RAPGEF6: variants seen among roughly 807,000 people sequenced by gnomAD.
RAPGEF6 encodes Rap guanine nucleotide exchange factor 6, also known as PDZ domain containing guanine nucleotide exchange factor (GEF) 2.
A neutral mutation model predicts 171.4 loss-of-function variants in RAPGEF6; 56 were observed. The ratio of observed to expected loss-of-function variants is 0.33; its 90% CI spans 0.26 to 0.41. RAPGEF6 has a LOEUF of 0.41. Among genes scored for constraint, RAPGEF6 ranks in the 10% least tolerant of loss-of-function variants. RAPGEF6 has a pLI of 1.00. For missense variants in RAPGEF6, 1,674 were observed against 1,921.4 expected (o/e 0.87, Z 2.41); for synonymous variants, 692 against 650.1 (o/e 1.06, Z -0.98).
At chr5:131,532,446 T>G (rs766459093) in intron 6 of RAPGEF6, among the ~76,000 whole-genome samples, 2 of 151,900 alleles carry the variant, frequency 1.3e-5, no homozygotes, top group Non-Finnish European at 2.9e-5. Context: ...ACATGCAGAG[T>G]GGTAGCACAA....
chr5:131,573,497 G>A (rs918826280), intron 4 of RAPGEF6, among the ~76,000 whole-genome samples: 25 of 151,818 alleles, frequency 1.6e-4, no homozygotes, highest in Admixed American at 1.2e-3. Context: ...TGGAGAGGTC[G>A]TCCTGACCTC....
At chr5:131,591,112 T>C (rs1335671374) in intron 4 of RAPGEF6, among the ~76,000 whole-genome samples, 2 of 152,228 alleles carry the variant, frequency 1.3e-5, no homozygotes, top group Non-Finnish European at 2.9e-5. Context: ...AGTCAAGGCA[T>C]GACTTCTAAA....
chr5:131,607,696 G>A (rs1447784437), intron 1 of RAPGEF6, among the ~76,000 whole-genome samples: 3 of 152,132 alleles, frequency 2.0e-5, no homozygotes, highest in Non-Finnish European at 4.4e-5. Flanking sequence ...TACCCTTAGA[G>A]TCCTTGGTAA....
In RAPGEF6 at chr5:131,427,564, T is replaced by C. The variant is rs143395550; in HGVS notation, c.4781-273A>G. ...AATAAAACAATCATTTCTCAAACTA[T>C]TGGCACAGGTACAAAGTCAGTCAAG... On this transcript the variant is annotated intron_variant, in intron 27 of 27. Coordinates refer to ENST00000509018, the MANE Select transcript of RAPGEF6 (RefSeq NM_016340.6). Among the ~76,000 whole-genome samples the C allele has an allele frequency of 1.2e-4, 19 of 152,300 alleles. No homozygotes were observed. In the East Asian group the frequency reaches 3.5e-3, roughly 28 times the overall value.
intron 5 of RAPGEF6, among the ~76,000 whole-genome samples, chr5:131,558,520 G>A (rs1761386525): frequency 6.6e-6 from 1 of 151,958 alleles, no homozygotes. Flanking sequence ...TTCTTGGCTT[G>A]TGATTACTAT....
intron 4 of RAPGEF6, among the ~76,000 whole-genome samples, chr5:131,570,867 A>G (rs910010752): frequency 1.3e-5 from 2 of 152,110 alleles, no homozygotes; most frequent in African/African-American, 4.8e-5. Context: ...ATCTATGAAA[A>G]ATTTAGAGCT....
At chr5:131,611,037 T>C (rs575558494) in intron 1 of RAPGEF6, among the ~76,000 whole-genome samples, 4 of 152,360 alleles carry the variant, frequency 2.6e-5, no homozygotes, top group African/African-American at 9.6e-5. Flanking sequence ...ATGCCTGTTC[T>C]GGGAGACTCA....
At chr5:131,606,581 CTG>C (rs779641137) in intron 1 of RAPGEF6, among the ~76,000 whole-genome samples, 4 of 152,192 alleles carry the variant, frequency 2.6e-5, no homozygotes, top group Non-Finnish European at 5.9e-5. Context: ...ATATGGTAAA[CTG>C]TATTTCCAAA....
intron 1 of RAPGEF6, among the ~76,000 whole-genome samples, chr5:131,606,338 T>C (rs1177411276): frequency 2.1e-5 from 3 of 140,330 alleles, no homozygotes; most frequent in African/African-American, 8.1e-5. Flanking sequence ...CACTCCAGTC[T>C]AGGCGATTGA....
intron 9 of RAPGEF6, among the ~76,000 whole-genome samples, chr5:131,506,538 T>C (rs1757382456): frequency 6.6e-6 from 1 of 152,208 alleles, no homozygotes. Flanking sequence ...TTTAATGTGA[T>C]TTAAGGGAAA....
At chr5:131,551,296 G>A (rs1198072802) in intron 5 of RAPGEF6, among the ~76,000 whole-genome samples, 1 of 151,942 alleles carries the variant, frequency 6.6e-6, no homozygotes, top group Non-Finnish European at 1.5e-5. Flanking sequence ...GGTGAATCAT[G>A]AGGTCAGGAG....
chr5:131,472,762 A>G lies in RAPGEF6; in HGVS notation c.2082-18T>C, dbSNP rs780499421. 1.9e-6 allele frequency: 3 copies of G among 1,593,404 alleles called. No individual in the cohort carries two copies. The highest frequency in any genetic ancestry group is 2.2e-5 in the South Asian group (2 of 90,500). On this transcript the variant is annotated intron_variant, in intron 16 of 27. Transcript: ENST00000509018. Reference sequence around the variant, plus strand: ...CTCCATCACTTCAAAAGAATGTCATATATCACTTTAAAGTATTTGAGAGTA... The same window carrying G: ...CTCCATCACTTCAAAAGAATGTCATGTATCACTTTAAAGTATTTGAGAGTA...
At chr5:131,620,092 T>G (rs1765513696) in intron 1 of RAPGEF6, among the ~76,000 whole-genome samples, 1 of 152,260 alleles carries the variant, frequency 6.6e-6, no homozygotes, top group Non-Finnish European at 1.5e-5. Flanking sequence ...GGCTGCTTTT[T>G]TTCAGTTTTT....
intron 5 of RAPGEF6, among the ~76,000 whole-genome samples, chr5:131,548,919 C>G (rs757606796): frequency 6.6e-6 from 1 of 152,068 alleles, no homozygotes; most frequent in East Asian, 1.9e-4. Context: ...AAAAAATAAG[C>G]CAGGCATGGT....
rs115149394 is a variant in RAPGEF6, at chr5:131,529,754, A to C, written c.496-8233T>G. 4.2e-3 allele frequency among the ~76,000 whole-genome samples: 631 copies of C among 152,046 alleles called. 6 individuals are homozygous for C. Among genetic ancestry groups the C allele is most frequent in the African/African-American group, 0.015 (604 of 41,454 alleles). Reference sequence around the variant, plus strand: ...GGAGAGACCTTGTCTCTACAAAAAAATTAGAAAATTGGCCAGGGATGTGGT... The same window carrying C: ...GGAGAGACCTTGTCTCTACAAAAAACTTAGAAAATTGGCCAGGGATGTGGT... On this transcript the variant is annotated intron_variant, in intron 6 of 27. Coordinates refer to ENST00000509018, the MANE Select transcript of RAPGEF6 (RefSeq NM_016340.6).
intron 1 of RAPGEF6, among the ~76,000 whole-genome samples, chr5:131,608,211 T>A (rs918288657): frequency 6.6e-6 from 1 of 152,154 alleles, no homozygotes; most frequent in Non-Finnish European, 1.5e-5. Flanking sequence ...GTAAGAAAAA[T>A]CATCTGGGCC....
At chr5:131,486,454 T>A (rs1400386251) in intron 15 of RAPGEF6, among the ~76,000 whole-genome samples, 1 of 152,230 alleles carries the variant, frequency 6.6e-6, no homozygotes, top group Non-Finnish European at 1.5e-5. Context: ...CAGCTCATAG[T>A]GAGGCCTTTG....
At chr5:131,573,274 C>G (rs1762413804) in intron 4 of RAPGEF6, among the ~76,000 whole-genome samples, 1 of 152,158 alleles carries the variant, frequency 6.6e-6, no homozygotes, top group Non-Finnish European at 1.5e-5. Context: ...TAGCTCTCCC[C>G]TACCTGCCCA....
At chr5:131,491,518 C>T (rs1756281523) in intron 14 of RAPGEF6, among the ~76,000 whole-genome samples, 2 of 152,132 alleles carry the variant, frequency 1.3e-5, no homozygotes. Flanking sequence ...ACATGAGAAT[C>T]ATCTAGAGCA....
Sources: gnomAD v4.1 joint callset for allele counts (sites outside exome capture counted in the v4.1 genomes callset) on GRCh38, gnomAD v4.1.1 for gene constraint, MANE v1.5 for transcripts, NCBI Gene and HGNC (gene_info 2026-07-23, HGNC 2026-07-21) for gene names.